ZFAT: variants seen among roughly 807,000 people sequenced by gnomAD.
ZFAT encodes the protein zinc finger protein ZFAT.
ZFAT carries 64 observed loss-of-function variants against 117.7 expected under a neutral mutation model. The observed-to-expected ratio is 0.54, with a 90% CI of 0.44 to 0.67. The LOEUF (loss-of-function observed/expected upper bound fraction) is 0.67, where lower values mean the gene tolerates loss of function less well. ZFAT is among the 30% of genes least tolerant of loss of function. The pLI is 0.00. For synonymous variants in ZFAT, 679 were observed against 615.0 expected, an observed-to-expected ratio of 1.10 and a Z score of -1.54; for missense variants, 1,433 against 1,584.5, an observed-to-expected ratio of 0.90 and a Z score of 1.62.
At chr8:134,804,136 C>G in the ZFAT span, among the ~76,000 whole-genome samples, 3 of 152,106 alleles carry the variant, frequency 2.0e-5, no homozygotes, top group African/African-American at 7.2e-5. Context: ...GAGAAAAGCC[C>G]TGGATTATTC....
chr8:134,630,349 C>A (rs1829802923), intron 3 of ZFAT, among the ~76,000 whole-genome samples: 1 of 152,226 alleles, frequency 6.6e-6, no homozygotes, highest in Non-Finnish European at 1.5e-5. Flanking sequence ...TTCAGAAACA[C>A]ATTTTCACCT....
intron 15 of ZFAT, among the ~76,000 whole-genome samples, chr8:134,506,454 T>C (rs1431611153): frequency 6.6e-6 from 1 of 152,224 alleles, no homozygotes; most frequent in East Asian, 1.9e-4. Context: ...GATTTCTGTG[T>C]CCAACAAAGA....
the ZFAT span, among the ~76,000 whole-genome samples, chr8:134,740,551 C>T: frequency 6.6e-6 from 1 of 152,170 alleles, no homozygotes; most frequent in Non-Finnish European, 1.5e-5. Context: ...CCTTCTTACG[C>T]ATGTTTTTTT....
At chr8:134,550,178 C>A (rs945130606) in intron 11 of ZFAT, among the ~76,000 whole-genome samples, 5 of 152,094 alleles carry the variant, frequency 3.3e-5, no homozygotes, top group Admixed American at 2.6e-4. Flanking sequence ...GGCTCAAGGC[C>A]GAGTCCACCG....
Position 134,512,499 on chromosome 8 carries a change from C to G in ZFAT, c.3337G>C (p.Asp1113His), listed in dbSNP as rs1445665640. The G allele has an allele frequency of 8.1e-6, 13 of 1,613,858 alleles. No individual in the cohort carries two copies. Among genetic ancestry groups the G allele is most frequent in the Non-Finnish European group, 1.1e-5 (13 of 1,179,882 alleles). Residue 1113 changes from aspartate to histidine, a missense_variant, in exon 14 of 16, where the codon GAC (aspartate) becomes CAC (histidine). Asp to His is a moderately conservative substitution (Grantham distance 81). This residue lies in a region of ZFAT where 503 missense variants were observed against 543.4 expected (regional missense o/e 0.93). Transcript: ENST00000377838. ...CCACTCTCAGAGGTGTATCTCAGGT[C>G]CTGGAGCGCGGCCACCGCTGCCTGT... ...GTQAAVAALQ[D>H]LRYTSESGDR...
At chr8:134,722,332 G>A in the ZFAT span, among the ~76,000 whole-genome samples, 1 of 152,242 alleles carries the variant, frequency 6.6e-6, no homozygotes, top group African/African-American at 2.4e-5. Flanking sequence ...GGGGAGGCAA[G>A]AGTATAAGAA....
the ZFAT span, among the ~76,000 whole-genome samples, chr8:134,818,294 A>G: frequency 6.6e-6 from 1 of 152,214 alleles, no homozygotes; most frequent in Non-Finnish European, 1.5e-5. Context: ...ACAACCAACC[A>G]GATTTTTTTA....
intron 1 of ZFAT, among the ~76,000 whole-genome samples, chr8:134,680,253 C>T (rs1833010012): frequency 7.4e-6 from 1 of 135,068 alleles, no homozygotes; most frequent in African/African-American, 2.8e-5. Flanking sequence ...CAGAGCCAGA[C>T]TCCCCCTCAA....
intron 15 of ZFAT, 136 bp downstream of exon 15, chr8:134,509,483 G>C: frequency 8.3e-7 from 1 of 1,207,246 alleles, no homozygotes; most frequent in South Asian, 1.5e-5. Context: ...GGTAGAATAA[G>C]AAAAGGTATG....
At chr8:134,706,565 C>T (rs1834156693) in intron 1 of ZFAT, among the ~76,000 whole-genome samples, 1 of 151,984 alleles carries the variant, frequency 6.6e-6, no homozygotes, top group African/African-American at 2.4e-5. Context: ...GGTGGTATCC[C>T]CCTGTAATCC....
chr8:134,610,230 G>T (rs1828221360), intron 4 of ZFAT, among the ~76,000 whole-genome samples: 1 of 152,214 alleles, frequency 6.6e-6, no homozygotes, highest in African/African-American at 2.4e-5. Context: ...GCACGGCGGA[G>T]CTGTGGGACT....
At chr8:134,717,465 T>C (rs1205909192), upstream of ZFAT, among the ~76,000 whole-genome samples, 25 of 111,308 alleles carry the variant, frequency 2.2e-4, no homozygotes, top group Admixed American at 1.1e-3. Context: ...CAATAACAAC[T>C]CTTTTTTTTT....
the ZFAT span, among the ~76,000 whole-genome samples, chr8:134,760,758 AAAAAGCAGTCT>A: frequency 6.6e-6 from 1 of 152,264 alleles, no homozygotes; most frequent in Non-Finnish European, 1.5e-5. Flanking sequence ...GATACTTTTC[AAAAAGCAGTCT>A]AATTGGTGAA....
chr8:134,760,792 A>G, the ZFAT span, among the ~76,000 whole-genome samples: 1 of 152,108 alleles, frequency 6.6e-6, no homozygotes, highest in African/African-American at 2.4e-5. Flanking sequence ...AAGGAGGGGG[A>G]TGGGATTACA....
chr8:134,495,652 C>T (rs1221752112), intron 15 of ZFAT, among the ~76,000 whole-genome samples: 1 of 152,212 alleles, frequency 6.6e-6, no homozygotes, highest in Admixed American at 6.5e-5. Context: ...GTACCTGGCA[C>T]AGTGTGGTGG....
intron 1 of ZFAT, among the ~76,000 whole-genome samples, chr8:134,660,129 T>C (rs1264239552): frequency 6.6e-6 from 1 of 152,244 alleles, no homozygotes; most frequent in Non-Finnish European, 1.5e-5. Context: ...TGCTTCTTGC[T>C]AATCCTACAA....
intron 11 of ZFAT, among the ~76,000 whole-genome samples, chr8:134,561,926 T>C (rs751935139): frequency 2.0e-5 from 3 of 152,208 alleles, no homozygotes; most frequent in Non-Finnish European, 4.4e-5. Flanking sequence ...AAAAAGTCCA[T>C]GTCCTAATCC....
chr8:134,647,991 CTG>C (rs1563723879), intron 2 of ZFAT, among the ~76,000 whole-genome samples: 1 of 152,052 alleles, frequency 6.6e-6, no homozygotes, highest in Non-Finnish European at 1.5e-5. Flanking sequence ...ACTAACAACA[CTG>C]TATTATATAC....
At chr8:134,816,894 T>C in the ZFAT span, among the ~76,000 whole-genome samples, 3 of 149,548 alleles carry the variant, frequency 2.0e-5, no homozygotes, top group Non-Finnish European at 4.4e-5. Context: ...GGCAGGAGAA[T>C]GGCTTGAACC....
Sources: gnomAD v4.1 joint callset for allele counts (sites outside exome capture counted in the v4.1 genomes callset) on GRCh38, gnomAD v4.1.1 for gene constraint, gnomAD v4.1.1 regional missense constraint, MANE v1.5 for transcripts, NCBI Gene and HGNC (gene_info 2026-07-23, HGNC 2026-07-21) for gene names.